ATP8B4: variants seen among roughly 807,000 people sequenced by gnomAD.
ATP8B4 encodes probable phospholipid-transporting ATPase IM.
In ATP8B4, 133 loss-of-function variants were observed where a neutral mutation model predicts 145.6. The ratio of observed to expected loss-of-function variants is 0.91; its 90% CI spans 0.79 to 1.05. ATP8B4 has a LOEUF of 1.05. Among genes scored for constraint, ATP8B4 ranks in the 50% least tolerant of loss-of-function variants. ATP8B4 has a pLI of 0.00. For synonymous variants in ATP8B4, 507 were observed against 492.9 expected (o/e 1.03, Z -0.38); for missense variants, 1,458 against 1,425.2 (o/e 1.02, Z -0.37).
intron 6 of ATP8B4, among the ~76,000 whole-genome samples, chr15:50,023,743 T>C (rs1385023659): frequency 7.3e-6 from 1 of 137,430 alleles, no homozygotes; most frequent in Non-Finnish European, 1.5e-5. Context: ...ACAGCATCTC[T>C]TCACCTCTGC....
chr15:49,897,362 A>T lies in ATP8B4; in HGVS notation c.2627T>A (p.Phe876Tyr). 1 of 1,613,922 alleles carries T rather than the reference A, an allele frequency of 6.2e-7. No individual in the cohort carries two copies. Among genetic ancestry groups the T allele is most frequent in the South Asian group, 1.1e-5 (1 of 91,032 alleles). The change falls in exon 23 of 28, where the codon TTC (phenylalanine) becomes TAC (tyrosine). Residue 876 changes from phenylalanine to tyrosine, a missense_variant. Physicochemically the swap from Phe to Tyr is conservative, Grantham distance 22. Transcript: ENST00000284509. ...YFRMCKFLCY[F>Y]FYKNFAFTLV... is the part of the protein sequence containing the mutation. ...TGTAAATGCAAAATTCTTATAGAAG[A>T]AATAGCATAAGAATTTGCACATTCG...
At chr15:49,973,213 G>A (rs1056026990) in intron 12 of ATP8B4, among the ~76,000 whole-genome samples, 2 of 152,256 alleles carry the variant, frequency 1.3e-5, no homozygotes, top group East Asian at 3.9e-4. Flanking sequence ...GATGATTCAA[G>A]CACATTACAA....
rs182481683 is a variant in ATP8B4, at chr15:49,941,547, A to T, written c.1288-7365T>A. ...CAGTTCCTACAATAATGAATAATTT[A>T]AAAAAAACCTTTATTGAAAAGGGAA... On this transcript the variant is annotated intron_variant, in intron 14 of 27. Transcript: ENST00000284509. 2.1e-3 allele frequency among the ~76,000 whole-genome samples: 322 copies of T among 152,112 alleles called. 1 individual carries two copies. The highest frequency in any genetic ancestry group is 7.4e-3 in the African/African-American group (307 of 41,520).
At chr15:49,881,564 T>C (rs2035424869) in intron 23 of ATP8B4, among the ~76,000 whole-genome samples, 1 of 152,052 alleles carries the variant, frequency 6.6e-6, no homozygotes, top group African/African-American at 2.4e-5. Flanking sequence ...CAATGTGGCA[T>C]GAGAGAACCT....
chr15:49,972,400 C>T (rs1220465529), intron 13 of ATP8B4, among the ~76,000 whole-genome samples, 182 bp downstream of exon 13: 3 of 152,126 alleles, frequency 2.0e-5, no homozygotes, highest in African/African-American at 7.2e-5. Context: ...TTATCCAATA[C>T]ATATTTAGTG....
intron 1 of ATP8B4, among the ~76,000 whole-genome samples, chr15:50,158,133 G>A (rs991911380): frequency 2.0e-5 from 3 of 152,194 alleles, no homozygotes; most frequent in Non-Finnish European, 4.4e-5. Context: ...CGTCTGCCTT[G>A]GCCTCCCAAA....
At chr15:50,173,011 G>T (rs1181500836) in intron 1 of ATP8B4, among the ~76,000 whole-genome samples, 1 of 148,794 alleles carries the variant, frequency 6.7e-6, no homozygotes, top group African/African-American at 2.5e-5. Flanking sequence ...CCGGGAGGTG[G>T]GGGGCAGCCC....
intron 25 of ATP8B4, among the ~76,000 whole-genome samples, chr15:49,870,435 T>C (rs977340151): frequency 6.6e-6 from 1 of 152,212 alleles, no homozygotes; most frequent in Non-Finnish European, 1.5e-5. Flanking sequence ...TAAAAGAGCA[T>C]TTTATAATTC....
At chr15:49,995,795 T>C (rs2047375704) in intron 9 of ATP8B4, among the ~76,000 whole-genome samples, 1 of 152,138 alleles carries the variant, frequency 6.6e-6, no homozygotes, top group Non-Finnish European at 1.5e-5. Flanking sequence ...ATGGATATAC[T>C]AATATTCTGG....
In ATP8B4 at chr15:50,011,891, A is replaced by G. The variant is rs1207984688; in HGVS notation, c.363-974T>C. Among the ~76,000 whole-genome samples, 5 of 147,432 alleles carry G rather than the reference A, an allele frequency of 3.4e-5. No homozygotes were observed. In the East Asian group the frequency reaches 1.1e-3, roughly 31 times the overall value. ...GAGGTGGACAGGTTAATTTCATTGT[A>G]CTTTAAAAAAAATAACCTAATTTAC... On this transcript the variant is annotated intron_variant, in intron 6 of 27. Transcript: ENST00000284509.
At chr15:50,047,969 T>G (rs2051854426) in intron 3 of ATP8B4, among the ~76,000 whole-genome samples, 1 of 152,200 alleles carries the variant, frequency 6.6e-6, no homozygotes. Flanking sequence ...ATTGCTGGAA[T>G]GGTCCTTATT....
chr15:50,174,584 A>C (rs1483707774), intron 1 of ATP8B4, among the ~76,000 whole-genome samples: 2 of 151,850 alleles, frequency 1.3e-5, no homozygotes, highest in African/African-American at 4.8e-5. Flanking sequence ...GAACATACCT[A>C]ACAAAGGAGT....
intron 2 of ATP8B4, among the ~76,000 whole-genome samples, chr15:50,104,887 A>C (rs113200084): frequency 1.3e-5 from 2 of 151,396 alleles, no homozygotes; most frequent in Non-Finnish European, 2.9e-5. Flanking sequence ...ACACACACAC[A>C]CCCATATATA....
At chr15:49,974,358 G>A (rs1350495234) in intron 12 of ATP8B4, among the ~76,000 whole-genome samples, 1 of 150,984 alleles carries the variant, frequency 6.6e-6, no homozygotes, top group African/African-American at 2.4e-5. Context: ...CCAAAGTCCT[G>A]GGATTATAGG....
intron 9 of ATP8B4, among the ~76,000 whole-genome samples, chr15:49,989,977 C>T (rs993384480): frequency 4.6e-5 from 7 of 151,840 alleles, no homozygotes; most frequent in Non-Finnish European, 7.4e-5. Context: ...CAGATGATTT[C>T]GAGAGAGGTT....
intron 6 of ATP8B4, among the ~76,000 whole-genome samples, chr15:50,014,660 T>C (rs767355439): frequency 6.6e-6 from 1 of 152,182 alleles, no homozygotes; most frequent in African/African-American, 2.4e-5. Context: ...GACACATTTA[T>C]ACAAAAACAT....
At chr15:50,123,184 A>C (rs1201600094), upstream of ATP8B4, among the ~76,000 whole-genome samples, 1 of 152,186 alleles carries the variant, frequency 6.6e-6, no homozygotes, top group Non-Finnish European at 1.5e-5. Context: ...CAGTGAGAAG[A>C]TTATGACAGT....
At chr15:50,051,282 A>G (rs766959861) in intron 3 of ATP8B4, among the ~76,000 whole-genome samples, 5 of 152,180 alleles carry the variant, frequency 3.3e-5, no homozygotes, top group Non-Finnish European at 7.3e-5. Context: ...CATGACTCTA[A>G]GATTCCTTAG....
In ATP8B4 at chr15:50,080,839, C is replaced by T. The variant is rs117837066; in HGVS notation, c.29-6654G>A. Among the ~76,000 whole-genome samples, 633 of 152,158 alleles carry T rather than the reference C, an allele frequency of 4.2e-3. 4 individuals are homozygous for T. The highest frequency in any genetic ancestry group is 7.3e-3 in the Non-Finnish European group (493 of 67,974). ...AATGAAAGAGTCCTCATGGGCCGGG[C>T]GCAGTGGCTCACGCCTGTAATCCCA... is the stretch of plus-strand genomic sequence containing the variant. On this transcript the variant is annotated intron_variant, in intron 2 of 27. Coordinates refer to ENST00000284509, the MANE Select transcript of ATP8B4 (RefSeq NM_024837.4).
Sources: gnomAD v4.1 joint callset for allele counts (sites outside exome capture counted in the v4.1 genomes callset) on GRCh38, gnomAD v4.1.1 for gene constraint, MANE v1.5 for transcripts, NCBI Gene and HGNC (gene_info 2026-07-23, HGNC 2026-07-21) for gene names.